Variants in PTPRZ1 observed in about 807,000 individuals in gnomAD.
PTPRZ1 encodes the protein protein tyrosine phosphatase receptor type Z1.
In PTPRZ1, 82 loss-of-function variants were observed where a neutral mutation model predicts 214.1. The ratio of observed to expected loss-of-function variants is 0.38; its 90% CI spans 0.32 to 0.46. The LOEUF is 0.46. Among genes scored for constraint, PTPRZ1 ranks in the 20% least tolerant of loss-of-function variants. The pLI, the probability that PTPRZ1 is intolerant of heterozygous loss-of-function variation, is 1.00. For synonymous variants in PTPRZ1, 945 were observed against 987.9 expected, an observed-to-expected ratio of 0.96 and a Z score of 0.81; for missense variants, 2,603 against 2,748.7, an observed-to-expected ratio of 0.95 and a Z score of 1.19.
At chr7:121,920,749 T>C (rs1350131461) in intron 1 of PTPRZ1, among the ~76,000 whole-genome samples, 1 of 152,206 alleles carries the variant, frequency 6.6e-6, no homozygotes, top group African/African-American at 2.4e-5. Context: ...GAAGCTATCC[T>C]CATGCATATC....
In PTPRZ1 at chr7:122,051,908, G is replaced by T; in HGVS notation, c.6221G>T (p.Gly2074Val). 1.2e-6 allele frequency: 2 copies of T among 1,611,478 alleles called. No homozygotes were observed. The highest frequency in any genetic ancestry group is 1.7e-6 in the Non-Finnish European group (2 of 1,179,380). ...GGCATTTCATCCCTGAGTGGAGAAG[G>T]CACAGACTACATCAATGCCTCCTAT... ...RVGISSLSGE[G>V]TDYINASYIM... The change falls in exon 25 of 30, where the codon GGC becomes GTC. Residue 2074 changes from glycine to valine, a missense_variant. Physicochemically the swap from Gly to Val is moderately radical, Grantham distance 109. Around this residue, in one of 6 missense-constraint regions of PTPRZ1, gnomAD observed 134 missense variants for 183.3 expected, o/e 0.73. Transcript: ENST00000393386.
chr7:122,041,926 G>A (rs1200013490), intron 21 of PTPRZ1, among the ~76,000 whole-genome samples: 2 of 152,166 alleles, frequency 1.3e-5, no homozygotes, highest in African/African-American at 2.4e-5. Context: ...CCTAGCAAAC[G>A]GAGAAGGACC....
intron 23 of PTPRZ1, 40 bp from the exon 24 acceptor site, chr7:122,051,388 A>C (rs892567310): frequency 1.3e-6 from 2 of 1,490,552 alleles, no homozygotes; most frequent in Non-Finnish European, 1.9e-6. Flanking sequence ...TGGGGGACTT[A>C]AATGAAATAA....
chr7:122,028,157 T>G (rs537059617), intron 13 of PTPRZ1: 3 of 163,928 alleles, frequency 1.8e-5, no homozygotes, highest in African/African-American at 7.2e-5. Flanking sequence ...AAAATGGCTT[T>G]GGACATTATT....
intron 2 of PTPRZ1, among the ~76,000 whole-genome samples, chr7:121,963,310 T>C (rs1584687898): frequency 6.6e-6 from 1 of 152,052 alleles, no homozygotes; most frequent in South Asian, 2.1e-4. Flanking sequence ...CTTGTAAGGG[T>C]GAGACAGCAA....
rs562750977 is a variant in PTPRZ1, at chr7:121,888,089, A to G, written c.58+14532A>G. Among the ~76,000 whole-genome samples, 4 of 152,228 alleles carry G rather than the reference A, an allele frequency of 2.6e-5. No homozygotes were observed. In the East Asian group the frequency reaches 7.7e-4, roughly 29 times the overall value. On this transcript the variant is annotated intron_variant, in intron 1 of 29. Transcript: ENST00000393386. ...CTTTAAAATTTTTGAGCAGCATAAA[A>G]GATTTGTAGAGGAAAACCTATTTTC...
chr7:121,905,650 T>C (rs957159087), intron 1 of PTPRZ1, among the ~76,000 whole-genome samples: 6 of 145,264 alleles, frequency 4.1e-5, no homozygotes, highest in Non-Finnish European at 7.6e-5. Context: ...TTCTATTCTT[T>C]ACACACACAC....
intron 8 of PTPRZ1, among the ~76,000 whole-genome samples, chr7:121,984,707 T>G (rs570627971): frequency 3.9e-5 from 6 of 152,242 alleles, no homozygotes; most frequent in Admixed American, 2.6e-4. Flanking sequence ...AGTTTCCTTC[T>G]TTGGAGGAAA....
At chr7:121,985,286 A>G (rs112313085) in intron 8 of PTPRZ1, among the ~76,000 whole-genome samples, 7 of 152,232 alleles carry the variant, frequency 4.6e-5, no homozygotes, top group Non-Finnish European at 1.0e-4. Flanking sequence ...GAAAAAAGAA[A>G]GTGGATTTAA....
At chr7:121,991,719 C>G (rs1035549830) in intron 8 of PTPRZ1, among the ~76,000 whole-genome samples, 2 of 152,002 alleles carry the variant, frequency 1.3e-5, no homozygotes, top group Non-Finnish European at 2.9e-5. Flanking sequence ...ACTCTGGGTC[C>G]CTAAAGACTG....
intron 1 of PTPRZ1, among the ~76,000 whole-genome samples, chr7:121,897,822 C>T (rs1377076681): frequency 6.6e-6 from 1 of 152,134 alleles, no homozygotes; most frequent in Non-Finnish European, 1.5e-5. Flanking sequence ...ATTGTGGTGG[C>T]CAGAAATGCA....
At chr7:121,909,810 G>A (rs1054678328) in intron 1 of PTPRZ1, among the ~76,000 whole-genome samples, 4 of 152,126 alleles carry the variant, frequency 2.6e-5, no homozygotes, top group African/African-American at 9.7e-5. Context: ...AAAATATGGA[G>A]TTAAATTACA....
In PTPRZ1 at chr7:121,944,578, G is replaced by A. The variant is rs142835654; in HGVS notation, c.124+16357G>A. ...TTGGAGTTAAACAACTCATGTAATT[G>A]TCACTTTTCAAGTCAATAATGTAAA... On this transcript the variant is annotated intron_variant, in intron 2 of 29. Coordinates refer to ENST00000393386, the MANE Select transcript of PTPRZ1 (RefSeq NM_002851.3). 2.2e-4 allele frequency among the ~76,000 whole-genome samples: 33 copies of A among 151,976 alleles called. 1 individual carries two copies. The highest frequency in any genetic ancestry group is 7.7e-4 in the African/African-American group (32 of 41,446).
rs926592178 is a variant in PTPRZ1 at position 121,873,262 on chromosome 7, C to T, written c.-238C>T. 5 of 467,476 alleles carry T rather than the reference C, an allele frequency of 1.1e-5. No individual in the cohort carries two copies. The Admixed American group carries it at 1.8e-4, about 17-fold the overall frequency. The allele number at this position is 467,476 out of a possible 1,614,324, so 29.0% of individuals were successfully genotyped here. On this transcript the variant is annotated 5_prime_UTR_variant, in exon 1 of 30. Transcript: ENST00000393386. ...GGGCCCCACCACCGTGCGGCTTTCT[C>T]CAGATTATTCCTCTCTCGCTGTCTC...
intron 12 of PTPRZ1, 116 bp from the exon 13 acceptor site, chr7:122,019,008 G>C (rs117559895): frequency 3.1e-6 from 3 of 965,204 alleles, no homozygotes; most frequent in Non-Finnish European, 4.5e-6. Flanking sequence ...TTGCATCAAA[G>C]AGTCAAAATT....
chr7:121,959,676 GTCT>G (rs1010771479), intron 2 of PTPRZ1, among the ~76,000 whole-genome samples: 1 of 152,244 alleles, frequency 6.6e-6, no homozygotes, highest in African/African-American at 2.4e-5. Flanking sequence ...TCTAAAAAGT[GTCT>G]TCTTAAGTAT....
At chr7:121,999,633 CA>C (rs1798261231) in intron 10 of PTPRZ1, among the ~76,000 whole-genome samples, 1 of 152,048 alleles carries the variant, frequency 6.6e-6, no homozygotes, top group Admixed American at 6.6e-5. Flanking sequence ...CAGGAGTTTG[CA>C]AAAAATTATT....
At position 122,061,149 on chromosome 7, in the gene PTPRZ1, A is replaced by G. The variant is rs2150498704; in HGVS notation, c.6877A>G (p.Thr2293Ala). 1 of 1,607,820 alleles carries G rather than the reference A, an allele frequency of 6.2e-7. No individual in the cohort carries two copies. The highest frequency in any genetic ancestry group is 8.5e-7 in the Non-Finnish European group (1 of 1,176,074). The change falls in exon 30 of 30, where the codon ACC becomes GCC. Residue 2293 changes from threonine (T) to alanine (A), a missense_variant. Physicochemically the swap from Thr to Ala is moderately conservative, Grantham distance 58. Transcript: ENST00000393386. ...VSTRQEENPS[T>A]SLDSNGAALP... ...CACAAGGCAGGAAGAGAATCCATCC[A>G]CCTCTCTGGACAGTAATGGTGCAGC...
chr7:121,956,013 T>G (rs1225303016), intron 2 of PTPRZ1, among the ~76,000 whole-genome samples: 1 of 152,010 alleles, frequency 6.6e-6, no homozygotes, highest in Non-Finnish European at 1.5e-5. Flanking sequence ...AAATTACCTT[T>G]CTTTCCCCAT....
Sources: gnomAD v4.1 joint callset for allele counts (sites outside exome capture counted in the v4.1 genomes callset) on GRCh38, gnomAD v4.1.1 for gene constraint, gnomAD v4.1.1 regional missense constraint, MANE v1.5 for transcripts, NCBI Gene and HGNC (gene_info 2026-07-23, HGNC 2026-07-21) for gene names.